DSP: variants seen among roughly 807,000 people sequenced by gnomAD.
The protein encoded by DSP is 250/210 kDa paraneoplastic pemphigus antigen.
Under a neutral mutation model 290.6 loss-of-function variants are expected in DSP, and 114 were observed. The observed-to-expected ratio is 0.39, with a 90% confidence interval of 0.34 to 0.46. The LOEUF is 0.46. Ranked by LOEUF, DSP falls within the 20% of genes least tolerant of loss-of-function variation. The pLI is 0.99. For missense variants in DSP, 3,230 were observed against 3,495.8 expected, an observed-to-expected ratio of 0.92 and a Z score of 1.92; for synonymous variants, 1,311 against 1,316.4, an observed-to-expected ratio of 1.00 and a Z score of 0.09.
intron 18 of DSP, 142 bp downstream of exon 18, chr6:7,575,630 G>T: frequency 9.8e-7 from 1 of 1,015,764 alleles, no homozygotes; most frequent in South Asian, 1.4e-5. Context: ...TCTTTTCATG[G>T]ACTGCCTGTA....
At chr6:7,570,935 G>A (rs1257506264) in intron 13 of DSP, among the ~76,000 whole-genome samples, 2 of 152,136 alleles carry the variant, frequency 1.3e-5, no homozygotes, top group African/African-American at 4.8e-5. Context: ...ATTCTTGGAA[G>A]AGCACCCAAA....
intron 15 of DSP, among the ~76,000 whole-genome samples, chr6:7,573,117 A>ATTGT (rs1759107817): frequency 1.4e-5 from 2 of 144,630 alleles, no homozygotes. Context: ...TTTAAAAAAA[A>ATTGT]ATGTGTGTGT....
chr6:7,581,140 C>G lies in DSP; in HGVS notation c.4950C>G (p.Thr1650=), dbSNP rs948524246. ...GCCACCTGAGGGAAAAGCAGAGGACCCAGGAAGAGCTGAGGAGGCTCTCTT... is the reference window on the plus strand; with the variant it reads ...GCCACCTGAGGGAAAAGCAGAGGACGCAGGAAGAGCTGAGGAGGCTCTCTT... ...LDGHLREKQR[T]QEELRRLSSE... is the part of the protein sequence containing the mutation. Residue 1650 remains threonine, a synonymous_variant, in exon 23 of 24, where the codon ACC becomes ACG. Coordinates refer to ENST00000379802, the MANE Select transcript of DSP (RefSeq NM_004415.4). 15 of 1,613,992 alleles carry G rather than the reference C, an allele frequency of 9.3e-6. No homozygotes were observed. The highest frequency in any genetic ancestry group is 1.3e-5 in the African/African-American group (1 of 74,910).
rs768455823 is a variant in DSP, at chr6:7,579,528, G to A, written c.3338G>A (p.Arg1113Gln). Residue 1113 changes from arginine (R) to glutamine (Q), a missense_variant, in exon 23 of 24, where the codon CGA (arginine) becomes CAA (glutamine). By Grantham distance (43) the Arg-to-Gln change is conservative (BLOSUM62 1). Around this residue, in one of 5 missense-constraint regions of DSP, gnomAD observed 1,714 missense variants for 1,844.5 expected, o/e 0.93. Coordinates refer to ENST00000379802, the MANE Select transcript of DSP (RefSeq NM_004415.4). This position sits in a 1 kb window ranked among gnomAD's most constrained non-coding sequence, Gnocchi z 4.1. ...AAAGAACTCAATGAGAAGATCACCC[G>A]ACTGACTTATGAGATTGAAGATGAA... is the stretch of plus-strand genomic sequence containing the variant. ...QIKELNEKIT[R>Q]LTYEIEDEKR... 70 of 1,613,752 alleles carry A rather than the reference G, an allele frequency of 4.3e-5. 1 individual carries two copies. In the East Asian group the frequency reaches 1.2e-3, roughly 29 times the overall value.
At position 7,576,361 on chromosome 6, in the gene DSP, A is replaced by G. The variant is rs371493210; in HGVS notation, c.2698A>G (p.Lys900Glu). 6.2e-7 allele frequency: 1 copy of G among 1,614,076 alleles called. No individual in the cohort carries two copies. Among genetic ancestry groups the G allele is most frequent in the Non-Finnish European group, 8.5e-7 (1 of 1,180,022 alleles). Reference protein sequence around the residue: ...NYRDNYQAFCKWLYDAKRRQD... With the variant: ...NYRDNYQAFCEWLYDAKRRQD... Reference sequence around the variant, plus strand: ...TCGTGATAACTATCAGGCTTTCTGCAAGTGGCTCTATGATGCTAAACGCCG... The same window carrying G: ...TCGTGATAACTATCAGGCTTTCTGCGAGTGGCTCTATGATGCTAAACGCCG... The change falls in exon 19 of 24, where the codon AAG (lysine) becomes GAG (glutamate). Residue 900 changes from lysine to glutamate, a missense_variant. By Grantham distance (56) the Lys-to-Glu change is moderately conservative. Around this residue, in one of 5 missense-constraint regions of DSP, gnomAD observed 1,714 missense variants for 1,844.5 expected, o/e 0.93. Coordinates refer to ENST00000379802, the MANE Select transcript of DSP (RefSeq NM_004415.4).
At chr6:7,574,547 ATTT>A in intron 16 of DSP, 107 bp from the exon 17 acceptor site, 2 of 1,504,644 alleles carry the variant, frequency 1.3e-6, no homozygotes, top group South Asian at 2.3e-5. Context: ...GACAAAATAA[ATTT>A]TTATCTGCTT....
intron 3 of DSP, among the ~76,000 whole-genome samples, chr6:7,558,790 A>G (rs965125406): frequency 3.9e-5 from 6 of 152,194 alleles, no homozygotes; most frequent in Admixed American, 1.3e-4. Flanking sequence ...CTGGGATTAC[A>G]GGTGTGAATC....
chr6:7,569,034 G>A, intron 11 of DSP, 152 bp from the exon 12 acceptor site: 3 of 962,472 alleles, frequency 3.1e-6, no homozygotes, highest in Middle Eastern at 2.3e-4. Context: ...CATCGGTATT[G>A]TTGGGTTGTA....
rs148868379 is a variant in DSP at position 7,571,901 on chromosome 6, A to G, written c.1963A>G (p.Ile655Val). Residue 655 changes from isoleucine to valine, a missense_variant, in exon 15 of 24, where the codon ATT becomes GTT. Physicochemically the swap from Ile to Val is conservative, Grantham distance 29. Coordinates refer to ENST00000379802, the MANE Select transcript of DSP (RefSeq NM_004415.4). ...TCQDVNHNKVIETNRENDKQE... is the reference protein window; with the variant it reads ...TCQDVNHNKVVETNRENDKQE... ...CCAAGATGTCAACCATAATAAAGTA[A>G]TTGAAACCAACAGAGAAAATGACAA... is the stretch of plus-strand genomic sequence containing the variant. 1 of 1,614,100 alleles carries G rather than the reference A, an allele frequency of 6.2e-7. No homozygotes were observed. The highest frequency in any genetic ancestry group is 1.3e-5 in the African/African-American group (1 of 75,040).
Position 7,576,996 on chromosome 6 carries a change from CAGA to C in DSP, c.2832_2834del (p.Glu946del). Reference sequence around the variant, plus strand: ...GAAATATCTGGCAAACGAGACAAATCAGAGGAAGTACAAAAAATTGCTGAACTT... The same window carrying C: ...GAAATATCTGGCAAACGAGACAAATCGGAAGTACAAAAAATTGCTGAACTT... On this transcript the variant is annotated inframe_deletion, in exon 20 of 24. Transcript: ENST00000379802. The C allele has an allele frequency of 6.2e-7, 1 of 1,612,840 alleles. No individual in the cohort carries two copies. The highest frequency in any genetic ancestry group is 8.5e-7 in the Non-Finnish European group (1 of 1,179,432).
intron 4 of DSP, 123 bp from the exon 5 acceptor site, chr6:7,562,529 T>G: frequency 6.4e-7 from 1 of 1,554,480 alleles, no homozygotes; most frequent in East Asian, 2.3e-5. Context: ...TATTCTGGCT[T>G]CAAAAATACT....
rs761443710 is a variant in DSP, at chr6:7,575,338, C to A, written c.2480C>A (p.Thr827Asn). ...DLNLKKSLLA[T>N]MKTELQKAQQ... ...AACTTGAAGAAGTCGTTGTTGGCCA[C>A]TATGAAGACAGAACTACAGAAAGCC... is the stretch of plus-strand genomic sequence containing the variant. Residue 827 changes from threonine (T) to asparagine (N), a missense_variant, in exon 18 of 24, where the codon ACT becomes AAT. Physicochemically the swap from Thr to Asn is moderately conservative, Grantham distance 65. Transcript: ENST00000379802. 1.2e-6 allele frequency: 2 copies of A among 1,613,774 alleles called. No homozygotes were observed. The highest frequency in any genetic ancestry group is 2.2e-5 in the South Asian group (2 of 91,072).
chr6:7,569,286 C>G lies in DSP; in HGVS notation c.1520C>G (p.Ser507Cys). The G allele has an allele frequency of 6.2e-7, 1 of 1,614,150 alleles. No homozygotes were observed. Among genetic ancestry groups the G allele is most frequent in the Non-Finnish European group, 8.5e-7 (1 of 1,180,042 alleles). Residue 507 changes from serine (S) to cysteine (C), a missense_variant, in exon 12 of 24, where the codon TCT becomes TGT. Ser to Cys is a moderately radical substitution (Grantham distance 112). This residue lies in a region of DSP where 646 missense variants were observed against 684.3 expected (regional missense o/e 0.94). Transcript: ENST00000379802. ...GGAGGCGTTGACATGCTTGTTCCCT[C>G]TGTGGGGCTGATCATCCCTCCTCCG... ...GPGGVDMLVP[S>C]VGLIIPPPNP...
intron 1 of DSP, among the ~76,000 whole-genome samples, chr6:7,550,193 G>C (rs982830270): frequency 6.6e-6 from 1 of 151,464 alleles, no homozygotes; most frequent in Non-Finnish European, 1.5e-5. Context: ...ACTTACAGGC[G>C]TGTGCCTTCA....
chr6:7,574,435 T>C (rs1266326378), intron 16 of DSP, among the ~76,000 whole-genome samples, 183 bp downstream of exon 16: 1 of 152,206 alleles, frequency 6.6e-6, no homozygotes. Context: ...TATTCTGAAC[T>C]ATAATGTTAT....
At position 7,571,397 on chromosome 6, in the gene DSP, G is replaced by T; in HGVS notation, c.1716G>T (p.Arg572=). The change falls in exon 14 of 24, where the codon CGG becomes CGT. Residue 572 remains arginine (R), a synonymous_variant. Transcript: ENST00000379802. ...AMTIAKLKTM[R]QEDYMKTIAD... is the part of the protein sequence containing the mutation. ...TCTCCTTTCAGCTGAAAACAATGCG[G>T]CAGGAAGATTACATGAAGACGATAG... is the stretch of plus-strand genomic sequence containing the variant. 1.2e-6 allele frequency: 2 copies of T among 1,614,138 alleles called. No individual in the cohort carries two copies. Among genetic ancestry groups the T allele is most frequent in the South Asian group, 2.2e-5 (2 of 91,078 alleles).
In DSP at chr6:7,582,909, T is replaced by G. The variant is rs1056652234; in HGVS notation, c.5647T>G (p.Ser1883Ala). 6.2e-7 allele frequency: 1 copy of G among 1,613,576 alleles called. No homozygotes were observed. Among genetic ancestry groups the G allele is most frequent in the Non-Finnish European group, 8.5e-7 (1 of 1,179,934 alleles). Residue 1883 changes from serine to alanine, a missense_variant, in exon 24 of 24, where the codon TCG becomes GCG. Transcript: ENST00000379802. This position sits in a 1 kb window ranked among gnomAD's most constrained non-coding sequence, Gnocchi z 4.2. ...GGAGGAGGCTATTAGGAAGATAGAATCGGAAAGAGAAAAGAGTGAGAGAGA... is the reference window on the plus strand; with the variant it reads ...GGAGGAGGCTATTAGGAAGATAGAAGCGGAAAGAGAAAAGAGTGAGAGAGA... ...RKEEAIRKIE[S>A]EREKSEREKN...
Position 7,555,778 on chromosome 6 carries a change from C to T in DSP, c.231C>T (p.Asn77=), listed in dbSNP as rs1412338210. 2 of 1,614,268 alleles carry T rather than the reference C, an allele frequency of 1.2e-6. No homozygotes were observed. The highest frequency in any genetic ancestry group is 1.7e-6 in the Non-Finnish European group (2 of 1,180,054). ...NQNTIQELLQ[N]CSDCLMRAEL... is the part of the protein sequence containing the mutation. ...ACACCATCCAGGAGCTGCTGCAGAACTGCTCCGACTGCTTGATGCGAGCAG... is the reference window on the plus strand; with the variant it reads ...ACACCATCCAGGAGCTGCTGCAGAATTGCTCCGACTGCTTGATGCGAGCAG... The change falls in exon 2 of 24, where the codon AAC becomes AAT. Residue 77 remains asparagine (N), a synonymous_variant. Transcript: ENST00000379802.
chr6:7,548,246 A>G (rs1478211395), intron 1 of DSP, among the ~76,000 whole-genome samples: 2 of 152,040 alleles, frequency 1.3e-5, no homozygotes, highest in South Asian at 2.1e-4. Context: ...CAGCCTGGGC[A>G]ACAGAGCGAG....
Sources: gnomAD v4.1 joint callset for allele counts (sites outside exome capture counted in the v4.1 genomes callset) on GRCh38, gnomAD v4.1.1 for gene constraint, gnomAD v4.1.1 regional missense constraint, Gnocchi (gnomAD v3.1) non-coding constraint, MANE v1.5 for transcripts, NCBI Gene and HGNC (gene_info 2026-07-23, HGNC 2026-07-21) for gene names.